IMPG1: variants seen among roughly 807,000 people sequenced by gnomAD.
IMPG1 encodes the protein interphotoreceptor matrix proteoglycan 1, also known as interphotoreceptor matrix proteoglycan of 150 kDa.
In IMPG1, 85 loss-of-function variants were observed where a neutral mutation model predicts 92.0. That is an observed-to-expected ratio of 0.92 (90% CI 0.78 to 1.11). The LOEUF (loss-of-function observed/expected upper bound fraction) is 1.11. Among genes scored for constraint, IMPG1 ranks in the 50% least tolerant of loss-of-function variants. The pLI is 0.00. For synonymous variants in IMPG1, 367 were observed against 334.1 expected, an observed-to-expected ratio of 1.10 and a Z score of -1.08; for missense variants, 1,022 against 956.0, an observed-to-expected ratio of 1.07 and a Z score of -0.91.
At chr6:75,935,735 T>G (rs1781734569) in intron 14 of IMPG1, among the ~76,000 whole-genome samples, 1 of 152,222 alleles carries the variant, frequency 6.6e-6, no homozygotes, top group Non-Finnish European at 1.5e-5. Context: ...AATGTTTTCT[T>G]TAAAATCAGA....
intron 15 of IMPG1, among the ~76,000 whole-genome samples, chr6:75,924,667 A>AT (rs376659354): frequency 0.54 from 4,271 of 7,890 alleles, 1,655 homozygotes; most frequent in Middle Eastern, 1. Context: ...AATATATAAT[A>AT]AATTATATAT....
intron 14 of IMPG1, among the ~76,000 whole-genome samples, chr6:75,946,797 T>C (rs957928952): frequency 6.6e-5 from 10 of 152,208 alleles, no homozygotes; most frequent in Non-Finnish European, 1.0e-4. Flanking sequence ...GATGGCGAAG[T>C]GACTTTCTCC....
In IMPG1 at chr6:76,018,820, C is replaced by T; in HGVS notation, c.705G>A (p.Arg235=). 6.2e-7 allele frequency: 1 copy of T among 1,611,550 alleles called. No individual in the cohort carries two copies. The highest frequency in any genetic ancestry group is 2.2e-5 in the East Asian group (1 of 44,726). The change falls in exon 7 of 17, where the codon AGG becomes AGA. Residue 235 remains arginine (R), a synonymous_variant. Transcript: ENST00000369950. ...TTACCAGAGAGACGCTGAGCTCCAC[C>T]CTCTGCTCCTCCAACACAGCGAATT... ...ETEFAVLEEQ[R]VELSVSLVNQ...
intron 1 of IMPG1, among the ~76,000 whole-genome samples, chr6:76,059,908 AAC>A (rs1290721883): frequency 5.3e-5 from 8 of 152,236 alleles, no homozygotes; most frequent in Non-Finnish European, 2.9e-5. Flanking sequence ...TTCATAGTTC[AAC>A]TTAATTAAAT....
At chr6:76,014,679 C>A (rs1783251483) in intron 7 of IMPG1, among the ~76,000 whole-genome samples, 1 of 152,148 alleles carries the variant, frequency 6.6e-6, no homozygotes, top group Non-Finnish European at 1.5e-5. Context: ...CTCCAGGATA[C>A]CAGAGATGCT....
chr6:75,952,659 G>A (rs1178124775), intron 12 of IMPG1, among the ~76,000 whole-genome samples: 1 of 152,102 alleles, frequency 6.6e-6, no homozygotes, highest in Non-Finnish European at 1.5e-5. Context: ...TGCAAAACTT[G>A]TATGTTCGGG....
intron 15 of IMPG1, among the ~76,000 whole-genome samples, chr6:75,924,558 AAT>A (rs1781495968): frequency 1.8e-5 from 1 of 55,262 alleles, no homozygotes; most frequent in African/African-American, 6.8e-5. Flanking sequence ...TAATTAATAT[AAT>A]TATATATTAT....
intron 1 of IMPG1, among the ~76,000 whole-genome samples, chr6:76,071,204 T>G (rs1784398905): frequency 6.7e-6 from 1 of 148,554 alleles, no homozygotes; most frequent in Non-Finnish European, 1.5e-5. Flanking sequence ...ATATTTGGAA[T>G]TGTGTATAAT....
intron 15 of IMPG1, among the ~76,000 whole-genome samples, chr6:75,928,293 G>A (rs545466153): frequency 1.3e-5 from 2 of 151,790 alleles, no homozygotes; most frequent in African/African-American, 4.8e-5. Context: ...TCCACCTCCT[G>A]GGTTCAAGTG....
At chr6:76,065,679 C>T (rs1784297251) in intron 1 of IMPG1, among the ~76,000 whole-genome samples, 1 of 152,118 alleles carries the variant, frequency 6.6e-6, no homozygotes, top group Middle Eastern at 3.4e-3. Flanking sequence ...AGGAAAACTT[C>T]CCTAATTTTA....
intron 3 of IMPG1, 52 bp downstream of exon 3, chr6:76,034,569 C>T: frequency 6.3e-7 from 1 of 1,585,914 alleles, no homozygotes. Context: ...GGGCTGGAGC[C>T]TGGGAACTGT....
At chr6:75,922,200 T>C (rs751611977) in intron 16 of IMPG1, 34 bp from the exon 17 acceptor site, 4 of 921,458 alleles carry the variant, frequency 4.3e-6, no homozygotes, top group Non-Finnish European at 6.9e-6. Flanking sequence ...ACTTAAGAAA[T>C]GCCACCCAAG....
intron 12 of IMPG1, among the ~76,000 whole-genome samples, chr6:75,990,965 C>CT (rs1365693191): frequency 1.3e-5 from 2 of 152,200 alleles, no homozygotes; most frequent in Non-Finnish European, 2.9e-5. Flanking sequence ...ATGCTGATCA[C>CT]ATTGTATACC....
At chr6:76,008,072 C>T (rs1783126796) in intron 8 of IMPG1, among the ~76,000 whole-genome samples, 1 of 152,154 alleles carries the variant, frequency 6.6e-6, no homozygotes, top group African/African-American at 2.4e-5. Context: ...AAAACCACCA[C>T]CTGTTTACTG....
intron 1 of IMPG1, among the ~76,000 whole-genome samples, chr6:76,069,529 A>C (rs1448569594): frequency 2.0e-5 from 3 of 152,116 alleles, no homozygotes; most frequent in Non-Finnish European, 4.4e-5. Flanking sequence ...ACTCAACAGA[A>C]AATACTAAAT....
intron 12 of IMPG1, among the ~76,000 whole-genome samples, chr6:75,974,321 CT>C: frequency 6.7e-6 from 1 of 148,450 alleles, no homozygotes; most frequent in East Asian, 2.0e-4. Context: ...TTCTTTCCCT[CT>C]TTCTTTCCCT....
intron 12 of IMPG1, among the ~76,000 whole-genome samples, chr6:75,963,562 T>C (rs1455740717): frequency 6.6e-6 from 1 of 152,216 alleles, no homozygotes; most frequent in African/African-American, 2.4e-5. Flanking sequence ...GTCTGTCCTT[T>C]CAATAAAAAG....
Position 76,046,811 on chromosome 6 carries a change from C to T in IMPG1, c.68-4685G>A, listed in dbSNP as rs143269770. On this transcript the variant is annotated intron_variant, in intron 1 of 16. Transcript: ENST00000369950. ...AATAAGAACTCCTTTATCAGATAAT[C>T]GAGACATTTCACTTGCTGGTATCAC... Among the ~76,000 whole-genome samples, 399 of 152,262 alleles carry T rather than the reference C, an allele frequency of 2.6e-3. 2 individuals carry two copies. The highest frequency in any genetic ancestry group is 8.8e-3 in the African/African-American group (366 of 41,548).
At chr6:76,017,450 A>T (rs1783310302) in intron 7 of IMPG1, among the ~76,000 whole-genome samples, 1 of 152,200 alleles carries the variant, frequency 6.6e-6, no homozygotes, top group Non-Finnish European at 1.5e-5. Context: ...CAAACTGTAA[A>T]AATAGAAATA....
Sources: allele counts gnomAD v4.1 joint callset (sites outside exome capture counted in the v4.1 genomes callset), GRCh38; gene constraint gnomAD v4.1.1; transcripts MANE v1.5; gene names NCBI Gene and HGNC (gene_info 2026-07-23, HGNC 2026-07-21).